The following SGCD variants were observed in gnomAD, a reference collection of about 807,000 sequenced individuals.
SGCD encodes the protein sarcoglycan delta.
In SGCD, 18 loss-of-function variants were observed where a neutral mutation model predicts 36.6. The observed-to-expected ratio is 0.49, with a 90% CI of 0.34 to 0.73. SGCD has a LOEUF of 0.73. Among genes scored for constraint, SGCD ranks in the 30% least tolerant of loss-of-function variants. The pLI is 0.01. For synonymous variants in SGCD, 133 were observed against 130.6 expected, an observed-to-expected ratio of 1.02 and a Z score of -0.12; for missense variants, 387 against 346.7, an observed-to-expected ratio of 1.12 and a Z score of -0.92.
chr5:155,747,114 A>C, the SGCD span, among the ~76,000 whole-genome samples: 1 of 152,362 alleles, frequency 6.6e-6, no homozygotes, highest in East Asian at 1.9e-4. Context: ...TGTTATAATA[A>C]CATTTTGAAT....
chr5:156,191,223 A>T (rs1763884622), intron 3 of SGCD, among the ~76,000 whole-genome samples: 1 of 152,130 alleles, frequency 6.6e-6, no homozygotes. Context: ...AGAAAAGGAG[A>T]TAATCATACA....
chr5:156,652,071 T>C (rs1187150383), intron 7 of SGCD, among the ~76,000 whole-genome samples: 1 of 152,138 alleles, frequency 6.6e-6, no homozygotes, highest in East Asian at 1.9e-4. Context: ...AGCATGAATA[T>C]TACTCGTGTA....
chr5:155,868,420 G>T (rs1243155331), upstream of SGCD, among the ~76,000 whole-genome samples: 2 of 142,084 alleles, frequency 1.4e-5, no homozygotes, highest in African/African-American at 5.3e-5. Context: ...GTGCCAGACT[G>T]GTCTAGAACT....
chr5:156,025,661 C>A (rs902674866), intron 1 of SGCD, among the ~76,000 whole-genome samples: 1 of 152,190 alleles, frequency 6.6e-6, no homozygotes, highest in Non-Finnish European at 1.5e-5. Context: ...CTATAAGCAT[C>A]ATATTTCCTA....
chr5:156,740,671 T>G (rs1358003579), intron 7 of SGCD, among the ~76,000 whole-genome samples: 2 of 152,230 alleles, frequency 1.3e-5, no homozygotes, highest in Non-Finnish European at 2.9e-5. Flanking sequence ...ATCAGTGGAA[T>G]GGCAGGATTC....
intron 7 of SGCD, among the ~76,000 whole-genome samples, chr5:156,732,755 G>A (rs1756145230): frequency 6.6e-6 from 1 of 152,078 alleles, no homozygotes; most frequent in African/African-American, 2.4e-5. Context: ...ATTTATTACT[G>A]CCTCAATTTC....
chr5:155,767,802 G>C, the SGCD span, among the ~76,000 whole-genome samples: 22 of 152,144 alleles, frequency 1.4e-4, no homozygotes, highest in Non-Finnish European at 2.8e-4. Context: ...CACGTGTGCT[G>C]TTTCCCAAAC....
intron 7 of SGCD, among the ~76,000 whole-genome samples, chr5:156,688,970 C>T (rs1754011016): frequency 6.6e-6 from 1 of 152,172 alleles, no homozygotes; most frequent in African/African-American, 2.4e-5. Flanking sequence ...CTTTTGTATG[C>T]CACAGTCATA....
intron 3 of SGCD, among the ~76,000 whole-genome samples, chr5:156,194,578 T>C (rs1191795478): frequency 1.3e-5 from 2 of 152,060 alleles, no homozygotes; most frequent in African/African-American, 2.4e-5. Flanking sequence ...ATAGATAAGC[T>C]ACAGATTAAG....
intron 3 of SGCD, among the ~76,000 whole-genome samples, chr5:156,218,957 T>C (rs180908962): frequency 2.4e-4 from 36 of 152,286 alleles, no homozygotes; most frequent in African/African-American, 8.4e-4. Flanking sequence ...ATCCAGTCAT[T>C]TTTTTACTCA....
chr5:156,712,889 A>C (rs1697876140), intron 7 of SGCD, among the ~76,000 whole-genome samples: 1 of 152,134 alleles, frequency 6.6e-6, no homozygotes, highest in Admixed American at 6.5e-5. Flanking sequence ...TGGGAAACTG[A>C]TGAGTTTACT....
In SGCD at chr5:156,594,913, A is replaced by C. The variant is rs1402707235; in HGVS notation, c.383-19A>C. 12 of 1,496,474 alleles carry C rather than the reference A, an allele frequency of 8.0e-6. No homozygotes were observed. The highest frequency in any genetic ancestry group is 2.8e-5 in the African/African-American group (2 of 72,574). 92.7% of individuals were successfully genotyped at this position (1,496,474 alleles called of 1,614,324 possible). A position where few individuals can be genotyped will look rare whatever the true frequency, so the allele number is the denominator to read the frequency against. On this transcript the variant is annotated intron_variant, in intron 5 of 8. Transcript: ENST00000337851. ...TCTCCTCTCTCCTCTCTATCTCTCT[A>C]TCTCTCTATATCTCTCAGGTCCAAA...
intron 1 of SGCD, among the ~76,000 whole-genome samples, chr5:156,016,692 C>T: frequency 6.6e-6 from 1 of 152,078 alleles, no homozygotes; most frequent in East Asian, 1.9e-4. Context: ...TTAAATGTAA[C>T]TTGGAACTCA....
chr5:155,946,374 C>A (rs932339907), intron 1 of SGCD, among the ~76,000 whole-genome samples: 3 of 152,060 alleles, frequency 2.0e-5, no homozygotes, highest in African/African-American at 7.2e-5. Flanking sequence ...AGGGCAGAGA[C>A]TGAATTTGAA....
At chr5:156,573,982 T>C (rs1282327851) in intron 4 of SGCD, among the ~76,000 whole-genome samples, 6 of 152,148 alleles carry the variant, frequency 3.9e-5, no homozygotes, top group Non-Finnish European at 8.8e-5. Context: ...CATGAGCCAC[T>C]GCACCCATCC....
chr5:156,592,658 G>A (rs1029975109), intron 5 of SGCD, among the ~76,000 whole-genome samples: 1 of 152,052 alleles, frequency 6.6e-6, no homozygotes, highest in Non-Finnish European at 1.5e-5. Flanking sequence ...ACTGAGACCT[G>A]CCATTGTCTC....
At chr5:156,517,853 G>A (rs1757244540) in intron 4 of SGCD, among the ~76,000 whole-genome samples, 1 of 152,130 alleles carries the variant, frequency 6.6e-6, no homozygotes, top group Non-Finnish European at 1.5e-5. Context: ...ACTAACTGTG[G>A]AAGGGAAAAA....
rs1757194675 is a variant in SGCD at position 156,516,784 on chromosome 5, G to A, written c.294+8082G>A. Among the ~76,000 whole-genome samples, 11 of 152,156 alleles carry A rather than the reference G, an allele frequency of 7.2e-5. 1 individual carries two copies. The highest frequency in any genetic ancestry group is 7.2e-4 in the Admixed American group (11 of 15,284). ...GGCCGAGGCACATGGATCACCTGAG[G>A]TCAGGAGTTCGAGACCATCCTGGCC... On this transcript the variant is annotated intron_variant, in intron 4 of 8. Coordinates refer to ENST00000337851, the MANE Select transcript of SGCD (RefSeq NM_000337.6).
intron 1 of SGCD, among the ~76,000 whole-genome samples, chr5:156,078,579 T>A (rs996240375): frequency 2.9e-5 from 4 of 136,684 alleles, no homozygotes; most frequent in Non-Finnish European, 4.5e-5. Flanking sequence ...ATATTTATAT[T>A]TATATATATT....
Sources: allele counts gnomAD v4.1 joint callset (sites outside exome capture counted in the v4.1 genomes callset), GRCh38; gene constraint gnomAD v4.1.1; transcripts MANE v1.5; gene names NCBI Gene and HGNC (gene_info 2026-07-23, HGNC 2026-07-21).